The following LBH variants were observed in gnomAD, a reference collection of about 807,000 sequenced individuals.
The protein encoded by LBH is protein LBH.
In LBH, 7 loss-of-function variants were observed where a neutral mutation model predicts 12.5. That is an observed-to-expected ratio of 0.56 (90% CI 0.32 to 1.05). The LOEUF (loss-of-function observed/expected upper bound fraction) is 1.05. LBH is among the 50% of genes least tolerant of loss of function. The pLI is 0.04. For missense variants in LBH, 119 were observed against 138.9 expected, an observed-to-expected ratio of 0.86 and a Z score of 0.72; for synonymous variants, 51 against 50.1, an observed-to-expected ratio of 1.02 and a Z score of -0.08.
At chr2:30,232,026 C>G (rs1408347050) in intron 1 of LBH, 1 of 1,269,608 alleles carries the variant, frequency 7.9e-7, no homozygotes, top group African/African-American at 1.5e-5. Context: ...TATTGGTTGG[C>G]GGGGGAGCCA....
At chr2:30,238,928 C>T (rs1345797174) in intron 2 of LBH, among the ~76,000 whole-genome samples, 4 of 139,046 alleles carry the variant, frequency 2.9e-5, no homozygotes, top group East Asian at 2.0e-4. Flanking sequence ...CTCGCTGTGT[C>T]GCCCAGGCTG....
intron 1 of LBH, among the ~76,000 whole-genome samples, chr2:30,233,419 A>G (rs1303377475): frequency 6.6e-6 from 1 of 152,224 alleles, no homozygotes; most frequent in Non-Finnish European, 1.5e-5. Flanking sequence ...GTAACCATAC[A>G]ATTGAAGAGG....
intron 2 of LBH, among the ~76,000 whole-genome samples, chr2:30,236,548 C>G (rs919666973): frequency 2.0e-5 from 3 of 152,218 alleles, no homozygotes; most frequent in Non-Finnish European, 4.4e-5. Context: ...CAATTTTTCA[C>G]AGCTTTTCTG....
chr2:30,247,552 A>G (rs745649499), intron 2 of LBH, among the ~76,000 whole-genome samples: 9 of 152,206 alleles, frequency 5.9e-5, no homozygotes, highest in Non-Finnish European at 1.2e-4. Context: ...TGGAATAACT[A>G]CAATTTGTTG....
chr2:30,232,106 T>C, intron 1 of LBH: 1 of 1,540,242 alleles, frequency 6.5e-7, no homozygotes, highest in Admixed American at 2.0e-5. Context: ...CGCGCCCCAC[T>C]TGGCGCAGGG....
At chr2:30,236,906 C>T (rs1009615934) in intron 2 of LBH, among the ~76,000 whole-genome samples, 1 of 151,136 alleles carries the variant, frequency 6.6e-6, no homozygotes, top group Non-Finnish European at 1.5e-5. Flanking sequence ...CTTGCACCTT[C>T]AGATACCCCT....
chr2:30,243,997 A>G lies in LBH; in HGVS notation c.129+9490A>G, dbSNP rs555999926. 4.6e-5 allele frequency among the ~76,000 whole-genome samples: 7 copies of G among 152,316 alleles called. No homozygotes were observed. In the South Asian group the frequency reaches 1.5e-3, roughly 32 times the overall value. On this transcript the variant is annotated intron_variant, in intron 2 of 2. Coordinates refer to ENST00000395323, the MANE Select transcript of LBH (RefSeq NM_030915.4). ...ATACTCCTGATGGTTTACAAAGTTC[A>G]TTTAGGTGCTATACAGACAGCTTGA...
intron 2 of LBH, among the ~76,000 whole-genome samples, chr2:30,237,902 G>A (rs908434941): frequency 6.6e-6 from 1 of 152,164 alleles, no homozygotes; most frequent in Non-Finnish European, 1.5e-5. Flanking sequence ...GCAGGCTGTG[G>A]GTGGCGGCCA....
At chr2:30,239,273 G>A (rs560079348) in intron 2 of LBH, among the ~76,000 whole-genome samples, 1 of 152,300 alleles carries the variant, frequency 6.6e-6, no homozygotes, top group African/African-American at 2.4e-5. Flanking sequence ...TTCCACCTGG[G>A]TGGAATGCGT....
At position 30,234,330 on chromosome 2, in the gene LBH, A is replaced by G; in HGVS notation, c.27-75A>G. On this transcript the variant is annotated intron_variant, in intron 1 of 2. Transcript: ENST00000395323. ...TCTCCAGACAGTCCCCTGATCCCAC[A>G]GCAGTGAATGCATGAAGAGTTAGGA... is the stretch of plus-strand genomic sequence containing the variant. 1.8e-6 allele frequency: 2 copies of G among 1,115,356 alleles called. 1 individual carries two copies. The highest frequency in any genetic ancestry group is 2.5e-5 in the South Asian group (2 of 79,804). The allele number at this position is 1,115,356 out of a possible 1,614,324, so 69.1% of individuals were successfully genotyped here.
chr2:30,246,684 T>C (rs537960389), intron 2 of LBH, among the ~76,000 whole-genome samples: 3 of 152,340 alleles, frequency 2.0e-5, no homozygotes, highest in Non-Finnish European at 4.4e-5. Context: ...GAAGGATATC[T>C]AGCCTATGCA....
intron 2 of LBH, among the ~76,000 whole-genome samples, chr2:30,255,819 A>T (rs1371998276): frequency 1.3e-5 from 2 of 152,136 alleles, no homozygotes; most frequent in African/African-American, 4.8e-5. Flanking sequence ...CCCCATCTGG[A>T]TCAAGGTGCA....
intron 2 of LBH, among the ~76,000 whole-genome samples, chr2:30,235,920 C>T (rs1393626436): frequency 1.3e-5 from 2 of 151,948 alleles, no homozygotes; most frequent in Admixed American, 6.6e-5. Flanking sequence ...CTCTTTGCTA[C>T]GTTTGACTTT....
At chr2:30,241,009 C>G (rs1039186153) in intron 2 of LBH, among the ~76,000 whole-genome samples, 3 of 152,188 alleles carry the variant, frequency 2.0e-5, no homozygotes, top group African/African-American at 4.8e-5. Context: ...TTTGGTGGTT[C>G]CCAAACAGAA....
At chr2:30,236,011 G>A (rs1434609030) in intron 2 of LBH, among the ~76,000 whole-genome samples, 1 of 152,104 alleles carries the variant, frequency 6.6e-6, no homozygotes, top group Non-Finnish European at 1.5e-5. Context: ...AAGTTTCCTG[G>A]CCCACCAGCC....
At chr2:30,239,166 G>A (rs1251609478) in intron 2 of LBH, among the ~76,000 whole-genome samples, 6 of 152,092 alleles carry the variant, frequency 3.9e-5, no homozygotes, top group Admixed American at 2.0e-4. Flanking sequence ...TTTCATCACC[G>A]AAGTTAGGCG....
chr2:30,232,081 G>T, intron 1 of LBH: 1 of 1,526,440 alleles, frequency 6.6e-7, no homozygotes. Flanking sequence ...CCTATGCGGA[G>T]AGCTGCAGGA....
At chr2:30,244,131 G>T (rs1020590607) in intron 2 of LBH, among the ~76,000 whole-genome samples, 22 of 152,330 alleles carry the variant, frequency 1.4e-4, no homozygotes, top group African/African-American at 5.3e-4. Flanking sequence ...TAACAGGGAT[G>T]ATGAAGGTGA....
At chr2:30,238,213 C>A (rs966423557) in intron 2 of LBH, among the ~76,000 whole-genome samples, 1 of 152,210 alleles carries the variant, frequency 6.6e-6, no homozygotes, top group Non-Finnish European at 1.5e-5. Context: ...ACTGCCTCCA[C>A]CCAACGGCAC....
Sources: allele counts gnomAD v4.1 joint callset (sites outside exome capture counted in the v4.1 genomes callset), GRCh38; gene constraint gnomAD v4.1.1; transcripts MANE v1.5; gene names NCBI Gene and HGNC (gene_info 2026-07-23, HGNC 2026-07-21).